Variants in CARD14 observed in about 807,000 individuals in gnomAD.
CARD14 encodes the protein caspase recruitment domain-containing protein 14.
CARD14 carries 107 observed loss-of-function variants against 111.5 expected under a neutral mutation model. That is an observed-to-expected ratio of 0.96 (90% CI 0.82 to 1.13). The LOEUF is 1.13. CARD14 is among the 50% of genes most tolerant of loss of function. CARD14 has a pLI of 0.00. For synonymous variants in CARD14, 617 were observed against 579.6 expected, an observed-to-expected ratio of 1.06 and a Z score of -0.93; for missense variants, 1,322 against 1,362.3, an observed-to-expected ratio of 0.97 and a Z score of 0.47.
chr17:80,202,117 G>A, intron 17 of CARD14, 63 bp from the exon 18 acceptor site: 8 of 1,460,782 alleles, frequency 5.5e-6, no homozygotes, highest in Non-Finnish European at 7.6e-6. Context: ...TTAATTTTCT[G>A]CAACCTTCCT....
In CARD14 at chr17:80,201,479, G is replaced by A. The variant is rs2040972690; in HGVS notation, c.1852-265G>A. ...CTTTTCTTTTTCAAGACAGGAAAGTGCTTATCACAAAGAACCCCCGATCTC... is the reference window on the plus strand; with the variant it reads ...CTTTTCTTTTTCAAGACAGGAAAGTACTTATCACAAAGAACCCCCGATCTC... On this transcript the variant is annotated intron_variant, in intron 16 of 23. Coordinates refer to ENST00000648509, the MANE Select transcript of CARD14 (RefSeq NM_001366385.1). The surrounding 1 kb of genome is among the most constrained non-coding windows in gnomAD (Gnocchi z 5.0). 4 of 496,340 alleles carry A rather than the reference G, an allele frequency of 8.1e-6. No individual in the cohort carries two copies. Among genetic ancestry groups the A allele is most frequent in the Non-Finnish European group, 1.4e-5 (4 of 277,978 alleles). The allele number at this position is 496,340 out of a possible 1,614,324, so 30.7% of individuals were successfully genotyped here.
At position 80,198,290 on chromosome 17, in the gene CARD14, G is replaced by A; in HGVS notation, c.1659-109G>A. 1 of 1,565,024 alleles carries A rather than the reference G, an allele frequency of 6.4e-7. No individual in the cohort carries two copies. The highest frequency in any genetic ancestry group is 1.7e-5 in the Admixed American group (1 of 58,148). ...TTTCCAAGCACATGGGGCCATGGAG[G>A]GGGAGGAGAATTCCAGAACACTGGG... On this transcript the variant is annotated intron_variant, in intron 15 of 23. Transcript: ENST00000648509. The surrounding 1 kb of genome is among the most constrained non-coding windows in gnomAD (Gnocchi z 7.5).
intron 4 of CARD14, among the ~76,000 whole-genome samples, chr17:80,181,073 A>G (rs997147584): frequency 1.4e-5 from 2 of 148,130 alleles, no homozygotes; most frequent in African/African-American, 2.5e-5. Context: ...TACTACCATT[A>G]TTTTAGATGA....
At chr17:80,194,371 G>T (rs1353008909) in intron 12 of CARD14, among the ~76,000 whole-genome samples, 1 of 152,174 alleles carries the variant, frequency 6.6e-6, no homozygotes, top group Admixed American at 6.5e-5. Flanking sequence ...GCTACTCCAG[G>T]AATACTTATT....
Position 80,184,462 on chromosome 17 carries a change from G to A in CARD14, c.675+224G>A, listed in dbSNP as rs548718495. ...CCTGCATGGCGACGAGGTGTGCCTTGTCCAGTAGCTGCCCGTGGCCTGGCT... is the reference window on the plus strand; with the variant it reads ...CCTGCATGGCGACGAGGTGTGCCTTATCCAGTAGCTGCCCGTGGCCTGGCT... On this transcript the variant is annotated intron_variant, in intron 7 of 23. Coordinates refer to ENST00000648509, the MANE Select transcript of CARD14 (RefSeq NM_001366385.1). Among the ~76,000 whole-genome samples, 95 of 152,278 alleles carry A rather than the reference G, an allele frequency of 6.2e-4. 1 individual carries two copies. In the South Asian group the frequency reaches 0.018, roughly 28 times the overall value.
At position 80,198,633 on chromosome 17, in the gene CARD14, G is replaced by A. The variant is rs2144352344; in HGVS notation, c.1851+42G>A. 5 of 1,610,084 alleles carry A rather than the reference G, an allele frequency of 3.1e-6. No homozygotes were observed. The highest frequency in any genetic ancestry group is 3.4e-6 in the Non-Finnish European group (4 of 1,179,552). On this transcript the variant is annotated intron_variant, in intron 16 of 23. Coordinates refer to ENST00000648509, the MANE Select transcript of CARD14 (RefSeq NM_001366385.1). This position sits in a 1 kb window ranked among gnomAD's most constrained non-coding sequence, Gnocchi z 7.5. ...CCCTCCTGTCCCCCGGGCTCCTCAT[G>A]GGGACAGTGGCAGCGGGTGGGGTGA...
Position 80,195,157 on chromosome 17 carries a change from C to A in CARD14, c.1357-34C>A, listed in dbSNP as rs373552852. ...GGAGGAGTCTCAGGGTGTCCTCGTG[C>A]GTGCCCCACTGACTTCTGCCCTCCC... On this transcript the variant is annotated intron_variant, in intron 12 of 23. Transcript: ENST00000648509. The surrounding 1 kb of genome is among the most constrained non-coding windows in gnomAD (Gnocchi z 4.7). The A allele has an allele frequency of 4.5e-6, 7 of 1,571,212 alleles. No individual in the cohort carries two copies. The highest frequency in any genetic ancestry group is 4.5e-5 in the East Asian group (2 of 44,180).
Position 80,208,458 on chromosome 17 carries a change from C to G in CARD14, c.*113C>G. The G allele has an allele frequency of 1.0e-6, 1 of 991,756 alleles. No homozygotes were observed. Among genetic ancestry groups the G allele is most frequent in the South Asian group, 1.8e-5 (1 of 54,684 alleles). 61.4% of individuals were successfully genotyped at this position (991,756 alleles called of 1,614,324 possible). ...CTGTGGGCTCCTTGGCACATGAGGC[C>G]GGCTCTCCCCACTGGCTGGGGTCTA... On this transcript the variant is annotated 3_prime_UTR_variant, in exon 24 of 24. Coordinates refer to ENST00000648509, the MANE Select transcript of CARD14 (RefSeq NM_001366385.1).
rs2040675879 is a variant in CARD14, at chr17:80,195,422, A to G, written c.1499+89A>G. On this transcript the variant is annotated intron_variant, in intron 13 of 23. Transcript: ENST00000648509. This position sits in a 1 kb window ranked among gnomAD's most constrained non-coding sequence, Gnocchi z 4.7. ...GAGACACCAACCTAGACCTCAGGGCATCTGGGTATTGCAGGCAGCAGCTCC... is the reference window on the plus strand; with the variant it reads ...GAGACACCAACCTAGACCTCAGGGCGTCTGGGTATTGCAGGCAGCAGCTCC... 2 of 1,525,200 alleles carry G rather than the reference A, an allele frequency of 1.3e-6. No homozygotes were observed. The highest frequency in any genetic ancestry group is 2.7e-5 in the African/African-American group (2 of 73,154). The allele number at this position is 1,525,200 out of a possible 1,614,324, so 94.5% of individuals were successfully genotyped here.
intron 14 of CARD14, chr17:80,197,119 C>T (rs971610785): frequency 2.6e-5 from 4 of 152,410 alleles, no homozygotes; most frequent in African/African-American, 9.7e-5. Flanking sequence ...ATCACTTGAA[C>T]CTGGGAGGTG....
rs748610851 is a variant in CARD14, at chr17:80,207,003, A to G, written c.2725A>G (p.Ser909Gly). The G allele has an allele frequency of 3.1e-6, 5 of 1,613,030 alleles. No homozygotes were observed. Among genetic ancestry groups the G allele is most frequent in the South Asian group, 2.2e-5 (2 of 90,966 alleles). Residue 909 changes from serine to glycine, a missense_variant, in exon 23 of 24, where the codon AGT (serine) becomes GGT (glycine). By Grantham distance (56) the Ser-to-Gly change is moderately conservative. Coordinates refer to ENST00000648509, the MANE Select transcript of CARD14 (RefSeq NM_001366385.1). ...TGCCCTCCTGGACGTCCAGCTGGAC[A>G]GTGTCTGCACCCTGCACAGGATGGA... ...THALLDVQLDSVCTLHRMDIF... is the reference protein window; with the variant it reads ...THALLDVQLDGVCTLHRMDIF...
rs2040125483 is a variant in CARD14, at chr17:80,180,223, C to G, written c.-21+922C>G. ...TAGAGTCTGCACTAGCCAGCATGTCCCCTGAAGAGCAGGTGTTCCGGGCTG... is the reference window on the plus strand; with the variant it reads ...TAGAGTCTGCACTAGCCAGCATGTCGCCTGAAGAGCAGGTGTTCCGGGCTG... On this transcript the variant is annotated intron_variant, in intron 4 of 23. Transcript: ENST00000648509. Among the ~76,000 whole-genome samples the G allele has an allele frequency of 2.0e-5, 3 of 152,094 alleles. No individual in the cohort carries two copies. The South Asian group carries it at 6.2e-4, about 32-fold the overall frequency.
At chr17:80,183,219 G>T (rs575725677) in intron 6 of CARD14, among the ~76,000 whole-genome samples, 1 of 152,208 alleles carries the variant, frequency 6.6e-6, no homozygotes, top group East Asian at 1.9e-4. Flanking sequence ...TGGCAGGGCC[G>T]CGGAGCCTTC....
At chr17:80,173,300 A>ACG (rs2039948368) in intron 2 of CARD14, 72 bp downstream of exon 2, 1 of 89,680 alleles carries the variant, frequency 1.1e-5, no homozygotes, top group East Asian at 3.0e-4. Context: ...TCTCTCATGC[A>ACG]CACACACACA....
intron 16 of CARD14, among the ~76,000 whole-genome samples, chr17:80,199,197 C>A (rs2040842179): frequency 6.6e-6 from 1 of 152,064 alleles, no homozygotes; most frequent in East Asian, 1.9e-4. Flanking sequence ...TAAATGGACA[C>A]AAATATACAA....
intron 4 of CARD14, among the ~76,000 whole-genome samples, chr17:80,179,544 G>T (rs1490960063): frequency 1.3e-5 from 2 of 152,210 alleles, no homozygotes; most frequent in South Asian, 2.1e-4. Flanking sequence ...TGTAGGAAAT[G>T]ATTTTTAAAA....
chr17:80,183,630 G>T (rs2040241494), intron 6 of CARD14, among the ~76,000 whole-genome samples: 1 of 152,112 alleles, frequency 6.6e-6, no homozygotes, highest in Non-Finnish European at 1.5e-5. Context: ...AAGGAGACCA[G>T]CAGGTTAAAG....
chr17:80,181,649 G>A lies in CARD14; in HGVS notation c.211G>A (p.Gly71Arg), dbSNP rs895516485. The stretch of plus-strand genomic sequence containing the variant: ...GCTCACCAACAGCGCCATGCGGGCC[G>A]GTGAGCGCAGCTCCCTCTTCCCCAC... The part of the protein sequence containing the change: ...PRLTNSAMRA[G>R]HLLDLLKTRG... Residue 71 changes from glycine (G) to arginine (R), a missense_variant and splice_region_variant, in exon 5 of 24, where the codon GGG becomes AGG. Physicochemically the swap from Gly to Arg is moderately radical, Grantham distance 125. Transcript: ENST00000648509. 22 of 1,543,880 alleles carry A rather than the reference G, an allele frequency of 1.4e-5. No individual in the cohort carries two copies. The highest frequency in any genetic ancestry group is 4.9e-5 in the East Asian group (2 of 40,882).
intron 11 of CARD14, among the ~76,000 whole-genome samples, chr17:80,191,946 T>C (rs1029388747): frequency 6.6e-6 from 1 of 152,248 alleles, no homozygotes; most frequent in Non-Finnish European, 1.5e-5. Flanking sequence ...CATTCTGGGC[T>C]GGCAGGCAGC....
Sources: gnomAD v4.1 joint callset for allele counts (sites outside exome capture counted in the v4.1 genomes callset) on GRCh38, gnomAD v4.1.1 for gene constraint, Gnocchi (gnomAD v3.1) non-coding constraint, MANE v1.5 for transcripts, NCBI Gene and HGNC (gene_info 2026-07-23, HGNC 2026-07-21) for gene names.